Variants in TBC1D5 observed in about 807,000 individuals in gnomAD.
TBC1D5 encodes the protein TBC1 domain family, member 5.
In TBC1D5, 75 loss-of-function variants were observed where a neutral mutation model predicts 100.3. The observed-to-expected ratio is 0.75, with a 90% CI of 0.62 to 0.91. TBC1D5 has a LOEUF of 0.91. Ranked by LOEUF, TBC1D5 falls within the 40% of genes least tolerant of loss-of-function variation. The probability of loss-of-function intolerance (pLI) is 0.00; values close to 1 mark genes in which losing one functional copy is unlikely to be tolerated. For synonymous variants in TBC1D5, 323 were observed against 325.6 expected (o/e 0.99, Z 0.09); for missense variants, 910 against 942.4 (o/e 0.97, Z 0.45).
In TBC1D5 at chr3:17,625,574, G is replaced by GGCATATTTACATTCATAATGTTCCTA. The variant is rs1158457738; in HGVS notation, c.-100-1687_-100-1662dup. On this transcript the variant is annotated intron_variant, in intron 1 of 21. Coordinates refer to ENST00000253692, the Ensembl canonical transcript of TBC1D5. ...GCATTACAAGACTGAGAATACAGAA[G>GGCATATTTACATTCATAATGTTCCTA]GCATATTTACATTCATAATGTTCCT... Among the ~76,000 whole-genome samples the GGCATATTTACATTCATAATGTTCCTA allele has an allele frequency of 5.3e-5, 8 of 152,056 alleles. No individual in the cohort carries two copies. The East Asian group carries it at 1.5e-3, about 29-fold the overall frequency.
intron 16 of TBC1D5, among the ~76,000 whole-genome samples, chr3:17,254,605 T>G (rs955233537): frequency 5.3e-5 from 8 of 152,150 alleles, no homozygotes; most frequent in African/African-American, 1.9e-4. Context: ...ATTAAAAATA[T>G]TACTCCCAAG....
At chr3:17,584,081 C>A (rs2096717658) in intron 2 of TBC1D5, among the ~76,000 whole-genome samples, 1 of 152,138 alleles carries the variant, frequency 6.6e-6, no homozygotes, top group East Asian at 1.9e-4. Context: ...AAAGAAGCCA[C>A]CCACAAAACG....
intron 18 of TBC1D5, among the ~76,000 whole-genome samples, chr3:17,199,130 A>T (rs917066549): frequency 6.6e-6 from 1 of 152,226 alleles, no homozygotes; most frequent in Admixed American, 6.5e-5. Context: ...AAAAATTAGG[A>T]CTGCTCATTT....
At chr3:17,655,459 T>TAATTAAATTA (rs1553901618) in intron 1 of TBC1D5, among the ~76,000 whole-genome samples, 8,086 of 148,602 alleles carry the variant, frequency 0.054, 413 homozygotes, top group African/African-American at 0.13. Context: ...AGTATAATAA[T>TAATTAAATTA]AATTAAATTA....
At chr3:17,304,252 C>T (rs1242365382) in intron 14 of TBC1D5, among the ~76,000 whole-genome samples, 1 of 152,084 alleles carries the variant, frequency 6.6e-6, no homozygotes, top group Non-Finnish European at 1.5e-5. Context: ...GTTTACTATG[C>T]CCTGGGCCCA....
chr3:17,272,230 A>G (rs1252446089), intron 15 of TBC1D5, among the ~76,000 whole-genome samples: 1 of 152,212 alleles, frequency 6.6e-6, no homozygotes, highest in Non-Finnish European at 1.5e-5. Context: ...AGAATCTTCA[A>G]ACTTTATGTG....
chr3:17,715,198 T>C (rs1269199820), intron 1 of TBC1D5, among the ~76,000 whole-genome samples: 1 of 152,238 alleles, frequency 6.6e-6, no homozygotes, highest in Non-Finnish European at 1.5e-5. Flanking sequence ...TAGGGAATAC[T>C]GGGCATTGAT....
intron 1 of TBC1D5, among the ~76,000 whole-genome samples, chr3:17,659,858 T>C (rs2066475179): frequency 6.6e-6 from 1 of 152,090 alleles, no homozygotes; most frequent in Non-Finnish European, 1.5e-5. Context: ...TCATTCTCAG[T>C]CATTAAACCT....
At chr3:17,312,805 A>G (rs1389457487) in intron 13 of TBC1D5, among the ~76,000 whole-genome samples, 2 of 152,192 alleles carry the variant, frequency 1.3e-5, no homozygotes, top group Non-Finnish European at 2.9e-5. Context: ...CCTTTGCAAA[A>G]ATAGTCTGAA....
intron 3 of TBC1D5, among the ~76,000 whole-genome samples, chr3:17,474,268 C>T (rs1039797049): frequency 6.6e-6 from 1 of 152,102 alleles, no homozygotes; most frequent in Admixed American, 6.5e-5. Flanking sequence ...AAACTACTTA[C>T]TCATCAAAAC....
At chr3:17,718,066 C>T (rs2075382489) in intron 1 of TBC1D5, among the ~76,000 whole-genome samples, 3 of 152,078 alleles carry the variant, frequency 2.0e-5, no homozygotes, top group African/African-American at 4.8e-5. Flanking sequence ...AGGGGAAAAG[C>T]GAAGGTGCCC....
intron 4 of TBC1D5, among the ~76,000 whole-genome samples, chr3:17,408,751 CTTAA>C (rs2093842895): frequency 6.6e-6 from 1 of 152,208 alleles, no homozygotes; most frequent in South Asian, 2.1e-4. Flanking sequence ...ACCCAATTGT[CTTAA>C]TTTTCAATAC....
At chr3:17,725,018 T>C (rs1229328460) in intron 1 of TBC1D5, among the ~76,000 whole-genome samples, 1 of 152,224 alleles carries the variant, frequency 6.6e-6, no homozygotes, top group East Asian at 1.9e-4. Flanking sequence ...AAGTTTCTTG[T>C]TCCCAGCAGA....
At chr3:17,595,197 T>C (rs1388570609) in intron 2 of TBC1D5, among the ~76,000 whole-genome samples, 2 of 152,218 alleles carry the variant, frequency 1.3e-5, no homozygotes, top group African/African-American at 2.4e-5. Flanking sequence ...TTGTGGGACC[T>C]TGTGATCATT....
At chr3:17,429,166 T>A (rs897318497) in intron 3 of TBC1D5, among the ~76,000 whole-genome samples, 1 of 151,724 alleles carries the variant, frequency 6.6e-6, no homozygotes, top group Non-Finnish European at 1.5e-5. Flanking sequence ...AGAAAAAAAA[T>A]TTTTACTCAA....
intron 2 of TBC1D5, among the ~76,000 whole-genome samples, chr3:17,561,096 T>C (rs979413236): frequency 3.3e-5 from 5 of 152,110 alleles, no homozygotes; most frequent in East Asian, 1.9e-4. Flanking sequence ...ACAGAACACA[T>C]GGAAGAGCTT....
intron 15 of TBC1D5, among the ~76,000 whole-genome samples, chr3:17,275,954 G>A (rs1049740246): frequency 6.6e-6 from 1 of 152,146 alleles, no homozygotes; most frequent in Admixed American, 6.5e-5. Context: ...CCACATAGGT[G>A]TATAGTATGT....
intron 1 of TBC1D5, among the ~76,000 whole-genome samples, chr3:17,729,951 A>T (rs959455964): frequency 6.6e-6 from 1 of 151,464 alleles, no homozygotes; most frequent in African/African-American, 2.4e-5. Context: ...TCTACTAAAA[A>T]TACAAAAAAA....
intron 13 of TBC1D5, among the ~76,000 whole-genome samples, chr3:17,319,803 G>A (rs1468808128): frequency 6.6e-6 from 1 of 152,092 alleles, no homozygotes; most frequent in African/African-American, 2.4e-5. Context: ...CCGGGAGGCG[G>A]AGCTTGCAGT....
Sources: allele counts gnomAD v4.1 joint callset (sites outside exome capture counted in the v4.1 genomes callset), GRCh38; gene constraint gnomAD v4.1.1; transcripts MANE v1.5; gene names NCBI Gene and HGNC (gene_info 2026-07-23, HGNC 2026-07-21).